Variants in GRID2 observed in about 807,000 individuals in gnomAD.
GRID2 encodes glutamate ionotropic receptor delta type subunit 2, also known as glutamate receptor ionotropic, delta-2.
GRID2 carries 33 observed loss-of-function variants against 114.8 expected under a neutral mutation model. The ratio of observed to expected loss-of-function variants is 0.29; its 90% CI spans 0.22 to 0.38. The LOEUF is 0.38. GRID2 is among the 10% of genes least tolerant of loss of function. GRID2 has a pLI of 1.00. For missense variants in GRID2, 1,184 were observed against 1,257.7 expected (o/e 0.94, Z 0.89); for synonymous variants, 505 against 449.9 (o/e 1.12, Z -1.55).
chr4:93,054,812 T>C (rs1727068818), intron 2 of GRID2, among the ~76,000 whole-genome samples: 2 of 151,774 alleles, frequency 1.3e-5, no homozygotes, highest in South Asian at 2.1e-4. Context: ...AGGAATCAAG[T>C]TGATTGAAAA....
chr4:93,647,533 A>G (rs1722218226), intron 14 of GRID2, among the ~76,000 whole-genome samples: 1 of 152,196 alleles, frequency 6.6e-6, no homozygotes, highest in Non-Finnish European at 1.5e-5. Flanking sequence ...CCTTGTTCTC[A>G]TTCAGGAGAA....
intron 3 of GRID2, among the ~76,000 whole-genome samples, chr4:93,087,049 T>TA (rs376288019): frequency 4.6e-5 from 7 of 151,096 alleles, no homozygotes; most frequent in African/African-American, 1.2e-4. Context: ...TTTATTTATT[T>TA]TTTGAGATGG....
chr4:92,672,448 T>C (rs1733118867), intron 2 of GRID2, among the ~76,000 whole-genome samples: 1 of 152,154 alleles, frequency 6.6e-6, no homozygotes, highest in African/African-American at 2.4e-5. Flanking sequence ...ATGATTAATA[T>C]TTTTACAGCT....
intron 1 of GRID2, among the ~76,000 whole-genome samples, chr4:92,351,864 C>A (rs1728083945): frequency 6.6e-6 from 1 of 151,832 alleles, no homozygotes; most frequent in South Asian, 2.1e-4. Flanking sequence ...CAGTAGTATT[C>A]TAATGTGTAT....
chr4:93,485,418 A>G (rs1443879416), intron 11 of GRID2, among the ~76,000 whole-genome samples: 1 of 151,704 alleles, frequency 6.6e-6, no homozygotes, highest in Non-Finnish European at 1.5e-5. Context: ...TTTTGTGTTA[A>G]TGCATTTTAT....
chr4:93,615,346 G>C (rs982857107), intron 13 of GRID2, among the ~76,000 whole-genome samples: 1 of 152,184 alleles, frequency 6.6e-6, no homozygotes, highest in Non-Finnish European at 1.5e-5. Context: ...GTTATTATAA[G>C]TGAAATCTCT....
chr4:92,384,506 T>TATA lies in GRID2; in HGVS notation c.88+79763_88+79765dup, dbSNP rs1288714207. Among the ~76,000 whole-genome samples the TATA allele has an allele frequency of 9.8e-5, 5 of 50,786 alleles. No homozygotes were observed. The East Asian group carries it at 2.8e-3, about 28-fold the overall frequency. 33.3% of individuals were successfully genotyped at this position (50,786 alleles called of 152,430 possible). On this transcript the variant is annotated intron_variant, in intron 1 of 15. Transcript: ENST00000282020. ...ATTTATATATAATAAAAATATATAT[T>TATA]ATATATAATATTATATAATATAATA...
intron 13 of GRID2, among the ~76,000 whole-genome samples, chr4:93,533,071 A>G (rs1272173459): frequency 6.6e-6 from 1 of 152,148 alleles, no homozygotes; most frequent in Non-Finnish European, 1.5e-5. Flanking sequence ...GATATTCTCT[A>G]TTAGTCATCC....
chr4:92,314,519 T>C (rs964951378), intron 1 of GRID2, among the ~76,000 whole-genome samples: 9 of 152,220 alleles, frequency 5.9e-5, no homozygotes, highest in Non-Finnish European at 1.0e-4. Flanking sequence ...AAAGGATATA[T>C]GTGTTGAGGA....
At chr4:92,775,408 A>C (rs1433165809) in intron 2 of GRID2, among the ~76,000 whole-genome samples, 1 of 152,200 alleles carries the variant, frequency 6.6e-6, no homozygotes, top group Non-Finnish European at 1.5e-5. Flanking sequence ...AAGTAACTTG[A>C]GTCTCAGATC....
intron 2 of GRID2, among the ~76,000 whole-genome samples, chr4:92,767,522 A>G (rs1738323479): frequency 6.6e-6 from 1 of 152,148 alleles, no homozygotes; most frequent in Non-Finnish European, 1.5e-5. Flanking sequence ...AGGCCAAGAC[A>G]GGCAGATCAC....
At chr4:93,173,358 GTCTTTCA>G (rs1390584532) in intron 4 of GRID2, among the ~76,000 whole-genome samples, 1 of 152,034 alleles carries the variant, frequency 6.6e-6, no homozygotes, top group African/African-American at 2.4e-5. Flanking sequence ...ACAGCTATGA[GTCTTTCA>G]TCTCTTAGGA....
intron 13 of GRID2, among the ~76,000 whole-genome samples, chr4:93,593,558 T>G (rs1738656850): frequency 6.8e-6 from 1 of 146,284 alleles, no homozygotes; most frequent in Admixed American, 6.9e-5. Context: ...TCGAGGAGTA[T>G]CTTTGTGGCG....
intron 2 of GRID2, among the ~76,000 whole-genome samples, chr4:92,984,926 T>G (rs1484247074): frequency 1.3e-5 from 2 of 152,134 alleles, no homozygotes; most frequent in East Asian, 3.9e-4. Context: ...TCACTGCTTC[T>G]TGGTAGGACT....
chr4:92,682,975 A>G (rs1733719719), intron 2 of GRID2, among the ~76,000 whole-genome samples: 1 of 152,130 alleles, frequency 6.6e-6, no homozygotes, highest in Admixed American at 6.6e-5. Flanking sequence ...GTTCTGTTAC[A>G]TTCTCCAGCA....
intron 8 of GRID2, among the ~76,000 whole-genome samples, chr4:93,382,736 T>C (rs1763975994): frequency 6.6e-6 from 1 of 152,056 alleles, no homozygotes; most frequent in Non-Finnish European, 1.5e-5. Context: ...AGTGACAGTT[T>C]CTGTTGGCTT....
intron 14 of GRID2, among the ~76,000 whole-genome samples, chr4:93,725,639 G>A (rs143662470): frequency 0.049 from 7,214 of 148,358 alleles, 644 homozygotes; most frequent in African/African-American, 0.11. Flanking sequence ...ATCCTCTCCA[G>A]CACCTTTGTT....
intron 2 of GRID2, among the ~76,000 whole-genome samples, chr4:93,053,061 A>G (rs558041136): frequency 6.6e-6 from 1 of 152,034 alleles, no homozygotes; most frequent in African/African-American, 2.4e-5. Context: ...CTCCCCTACC[A>G]AATTTTTATA....
chr4:93,212,068 A>C (rs1284231438), intron 5 of GRID2, among the ~76,000 whole-genome samples: 1 of 152,052 alleles, frequency 6.6e-6, no homozygotes, highest in Non-Finnish European at 1.5e-5. Context: ...GAAAAAAAAA[A>C]CATGGATTTC....
Sources: gnomAD v4.1 joint callset for allele counts (sites outside exome capture counted in the v4.1 genomes callset) on GRCh38, gnomAD v4.1.1 for gene constraint, MANE v1.5 for transcripts, NCBI Gene and HGNC (gene_info 2026-07-23, HGNC 2026-07-21) for gene names.